Variants in RAB7A observed in about 807,000 individuals in gnomAD.
The protein encoded by RAB7A is RAB7A, member RAS oncogene family.
In RAB7A, 2 loss-of-function variants were observed where a neutral mutation model predicts 24.5. The observed-to-expected ratio is 0.08, with a 90% CI of 0.03 to 0.26. The LOEUF (loss-of-function observed/expected upper bound fraction) is 0.26. Among genes scored for constraint, RAB7A ranks in the 10% least tolerant of loss-of-function variants. RAB7A has a pLI of 1.00. For missense variants in RAB7A, 118 were observed against 255.7 expected, an observed-to-expected ratio of 0.46 and a Z score of 3.67; for synonymous variants, 100 against 95.9, an observed-to-expected ratio of 1.04 and a Z score of -0.25.
chr3:128,798,868 G>A, intron 3 of RAB7A: 1 of 261,716 alleles, frequency 3.8e-6, no homozygotes, highest in Non-Finnish European at 7.3e-6. Context: ...TTTCCCTCCT[G>A]TATTTTCATC....
intron 1 of RAB7A, among the ~76,000 whole-genome samples, chr3:128,775,853 T>C (rs1015516178): frequency 1.3e-5 from 2 of 152,214 alleles, no homozygotes; most frequent in African/African-American, 4.8e-5. Context: ...AGAATGGCTG[T>C]ATCAGGCTAT....
chr3:128,770,148 G>A (rs1040769449), intron 1 of RAB7A, among the ~76,000 whole-genome samples: 1 of 151,864 alleles, frequency 6.6e-6, no homozygotes. Context: ...GACTACAGGC[G>A]CCTGCCACCA....
chr3:128,780,641 A>G (rs141722532), intron 1 of RAB7A, among the ~76,000 whole-genome samples: 30 of 152,340 alleles, frequency 2.0e-4, no homozygotes, highest in Non-Finnish European at 4.0e-4. Context: ...CCCCTAGCTC[A>G]TGGTCAGTGA....
chr3:128,808,710 G>C lies in RAB7A; in HGVS notation c.528+1039G>C, dbSNP rs1289794062. On this transcript the variant is annotated intron_variant, in intron 5 of 5. Transcript: ENST00000265062. ...AGGTCACGAGGCCTCATCAGACAGT[G>C]TCTGGGGGTGGTCAGAGGTGTGGCA... Among the ~76,000 whole-genome samples, 13 of 152,342 alleles carry C rather than the reference G, an allele frequency of 8.5e-5. No individual in the cohort carries two copies. The East Asian group carries it at 2.5e-3, about 29-fold the overall frequency.
At chr3:128,776,178 T>C (rs1160905320) in intron 1 of RAB7A, among the ~76,000 whole-genome samples, 1 of 152,244 alleles carries the variant, frequency 6.6e-6, no homozygotes, top group African/African-American at 2.4e-5. Flanking sequence ...CTAAATGTAA[T>C]GTTCTCCAGG....
intron 1 of RAB7A, among the ~76,000 whole-genome samples, chr3:128,769,820 GT>G (rs2070867603): frequency 6.6e-6 from 1 of 152,168 alleles, no homozygotes. Flanking sequence ...GCTTTGTAAG[GT>G]GGGAACAGTG....
intron 2 of RAB7A, among the ~76,000 whole-genome samples, chr3:128,796,735 T>C (rs1259298853): frequency 1.3e-5 from 2 of 152,056 alleles, no homozygotes; most frequent in Admixed American, 6.5e-5. Flanking sequence ...CAATCACAGC[T>C]CACTGCAGCC....
chr3:128,773,533 C>T (rs1247845873), intron 1 of RAB7A, among the ~76,000 whole-genome samples: 4 of 151,700 alleles, frequency 2.6e-5, no homozygotes, highest in Non-Finnish European at 5.9e-5. Context: ...TCTGCCCGGC[C>T]GCCCCTTCTG....
chr3:128,813,729 T>C lies in RAB7A; in HGVS notation c.*307T>C. The C allele has an allele frequency of 2.3e-6, 1 of 439,334 alleles. No individual in the cohort carries two copies. Among genetic ancestry groups the C allele is most frequent in the Non-Finnish European group, 4.3e-6 (1 of 233,298 alleles). 27.2% of individuals were successfully genotyped at this position (439,334 alleles called of 1,614,324 possible). Reference sequence around the variant, plus strand: ...CAGCAGGACAAGCCAGCGGTGGAAGTCATTCTGATATGGAGTTGGCATTGG... The same window carrying C: ...CAGCAGGACAAGCCAGCGGTGGAAGCCATTCTGATATGGAGTTGGCATTGG... On this transcript the variant is annotated 3_prime_UTR_variant, in exon 6 of 6. Coordinates refer to ENST00000265062, the MANE Select transcript of RAB7A (RefSeq NM_004637.6).
At chr3:128,738,241 C>T (rs1279738124) in intron 1 of RAB7A, among the ~76,000 whole-genome samples, 3 of 151,942 alleles carry the variant, frequency 2.0e-5, no homozygotes, top group African/African-American at 7.3e-5. Flanking sequence ...CCATATTGCC[C>T]AGCTGGTCCC....
chr3:128,793,915 A>C (rs1933514052), intron 1 of RAB7A, among the ~76,000 whole-genome samples: 1 of 152,214 alleles, frequency 6.6e-6, no homozygotes, highest in African/African-American at 2.4e-5. Context: ...TGTGCCTAGC[A>C]AACCATCCTC....
At chr3:128,727,274 C>T (rs1255298821) in intron 1 of RAB7A, among the ~76,000 whole-genome samples, 2 of 152,162 alleles carry the variant, frequency 1.3e-5, no homozygotes, top group Non-Finnish European at 2.9e-5. Context: ...GAGGCTAAGC[C>T]ATTTGGCCAA....
At chr3:128,777,007 A>G (rs980005968) in intron 1 of RAB7A, among the ~76,000 whole-genome samples, 8 of 150,312 alleles carry the variant, frequency 5.3e-5, no homozygotes, top group East Asian at 2.0e-4. Context: ...TCATTTGTCT[A>G]TTTTCTTCTG....
At chr3:128,734,689 AG>A (rs1421017653) in intron 1 of RAB7A, among the ~76,000 whole-genome samples, 1 of 152,118 alleles carries the variant, frequency 6.6e-6, no homozygotes, top group African/African-American at 2.4e-5. Context: ...TTGAGCCCTT[AG>A]AATATCACAT....
At chr3:128,793,182 C>T (rs1383225897) in intron 1 of RAB7A, among the ~76,000 whole-genome samples, 1 of 145,060 alleles carries the variant, frequency 6.9e-6, no homozygotes, top group Non-Finnish European at 1.5e-5. Flanking sequence ...TGCCACCACG[C>T]CCAGCTAATT....
chr3:128,805,136 T>G (rs1933774575), intron 3 of RAB7A, among the ~76,000 whole-genome samples: 1 of 152,158 alleles, frequency 6.6e-6, no homozygotes, highest in African/African-American at 2.4e-5. Context: ...TTTGTTTGTT[T>G]GTTTGTTTGA....
rs373993932 is a variant in RAB7A, at chr3:128,763,208, A to ATATATT, written c.-8-32151_-8-32150insATATTT. On this transcript the variant is annotated intron_variant, in intron 1 of 5. Coordinates refer to ENST00000265062, the MANE Select transcript of RAB7A (RefSeq NM_004637.6). ...TTAGCTTATATATATATATATATAT[A>ATATATT]TTTTTTTTTTTTTTTTTTTTTTTTG... is the stretch of plus-strand genomic sequence containing the variant. 5.5e-4 allele frequency among the ~76,000 whole-genome samples: 42 copies of ATATATT among 76,060 alleles called. 1 individual carries two copies. Among genetic ancestry groups the ATATATT allele is most frequent in the East Asian group, 1.9e-3 (6 of 3,218 alleles). The allele number at this position is 76,060 out of a possible 152,430, so 49.9% of individuals were successfully genotyped here.
chr3:128,771,213 C>T (rs1419871214), intron 1 of RAB7A, among the ~76,000 whole-genome samples: 1 of 152,108 alleles, frequency 6.6e-6, no homozygotes, highest in Admixed American at 6.6e-5. Context: ...TCAAGTGATC[C>T]GGCCGCCTCA....
intron 1 of RAB7A, among the ~76,000 whole-genome samples, chr3:128,732,238 C>A (rs2070446052): frequency 6.6e-6 from 1 of 151,678 alleles, no homozygotes; most frequent in African/African-American, 2.4e-5. Flanking sequence ...TGGGGTTTCA[C>A]CATGTTGGCC....
Sources: allele counts gnomAD v4.1 joint callset (sites outside exome capture counted in the v4.1 genomes callset), GRCh38; gene constraint gnomAD v4.1.1; transcripts MANE v1.5; gene names NCBI Gene and HGNC (gene_info 2026-07-23, HGNC 2026-07-21).